Variants in MACROD1 observed in about 807,000 individuals in gnomAD.
The protein encoded by MACROD1 is mono-ADP ribosylhydrolase 1, also known as ADP-ribose glycohydrolase MACROD1.
MACROD1 carries 31 observed loss-of-function variants against 41.4 expected under a neutral mutation model. The observed-to-expected ratio is 0.75, with a 90% CI of 0.56 to 1.01. The LOEUF is 1.01. MACROD1 is among the 50% of genes least tolerant of loss of function. The probability of loss-of-function intolerance (pLI) is 0.00; values close to 1 mark genes in which losing one functional copy is unlikely to be tolerated. For missense variants in MACROD1, 473 were observed against 460.0 expected (o/e 1.03, Z -0.26); for synonymous variants, 252 against 203.4 (o/e 1.24, Z -2.03).
chr11:64,116,875 T>G, intron 3 of MACROD1: 1 of 1,611,808 alleles, frequency 6.2e-7, no homozygotes, highest in Admixed American at 1.7e-5. Flanking sequence ...CTGGAGGAGC[T>G]GCGGCTGGAT....
intron 3 of MACROD1, among the ~76,000 whole-genome samples, chr11:64,105,691 G>A (rs906916628): frequency 6.6e-6 from 1 of 152,206 alleles, no homozygotes; most frequent in Non-Finnish European, 1.5e-5. Context: ...TGGTGGAGAA[G>A]AGCGGCTCCC....
intron 3 of MACROD1, among the ~76,000 whole-genome samples, chr11:64,086,135 TGC>T (rs1944390533): frequency 6.6e-6 from 1 of 152,118 alleles, no homozygotes; most frequent in Non-Finnish European, 1.5e-5. Flanking sequence ...GGTGGGTGGC[TGC>T]GCACACACAG....
At chr11:64,049,615 T>A (rs1434629265) in intron 3 of MACROD1, among the ~76,000 whole-genome samples, 1 of 152,190 alleles carries the variant, frequency 6.6e-6, no homozygotes, top group Non-Finnish European at 1.5e-5. Context: ...CGCACAGACA[T>A]CCTGATGGTT....
intron 3 of MACROD1, among the ~76,000 whole-genome samples, chr11:64,113,056 C>T (rs572845337): frequency 6.6e-6 from 1 of 152,312 alleles, no homozygotes; most frequent in Admixed American, 6.5e-5. Flanking sequence ...CAGAGTGCTG[C>T]AAGCCTCAAG....
chr11:64,138,673 C>T (rs1945366061), intron 3 of MACROD1: 2 of 440,770 alleles, frequency 4.5e-6, no homozygotes, highest in East Asian at 1.6e-4. Context: ...TTACAATGTC[C>T]GAAGACAGGG....
intron 3 of MACROD1, among the ~76,000 whole-genome samples, chr11:64,055,021 C>G (rs77916579): frequency 1.5e-3 from 232 of 152,316 alleles, no homozygotes; most frequent in African/African-American, 5.1e-3. Flanking sequence ...CAGTCTTCTC[C>G]TTTCTTTCCC....
intron 3 of MACROD1, among the ~76,000 whole-genome samples, chr11:64,034,847 C>G (rs370686587): frequency 1.1e-3 from 170 of 152,308 alleles, no homozygotes; most frequent in African/African-American, 3.8e-3. Flanking sequence ...CAGCCACTGA[C>G]AAGGTGATGA....
intron 4 of MACROD1, among the ~76,000 whole-genome samples, chr11:64,006,310 C>T (rs181991628): frequency 5.4e-4 from 83 of 152,334 alleles, no homozygotes; most frequent in Admixed American, 3.7e-3. Flanking sequence ...TTTGCTTCTG[C>T]TCACACCCTC....
intron 3 of MACROD1, among the ~76,000 whole-genome samples, chr11:64,084,152 G>A (rs1944352611): frequency 6.6e-6 from 1 of 152,158 alleles, no homozygotes; most frequent in Non-Finnish European, 1.5e-5. Flanking sequence ...TGAGTGCATG[G>A]CACGCGCGCC....
At chr11:64,069,515 C>A (rs1267255292) in intron 3 of MACROD1, among the ~76,000 whole-genome samples, 1 of 152,214 alleles carries the variant, frequency 6.6e-6, no homozygotes, top group African/African-American at 2.4e-5. Flanking sequence ...GAAGGGCAAG[C>A]ACAGCCACAG....
chr11:64,134,596 T>C (rs1945307539), intron 3 of MACROD1, among the ~76,000 whole-genome samples: 2 of 151,990 alleles, frequency 1.3e-5, no homozygotes, highest in African/African-American at 2.4e-5. Context: ...CATGCGGGTT[T>C]GGTGTGAGAT....
chr11:64,083,794 G>A (rs533994157), intron 3 of MACROD1, among the ~76,000 whole-genome samples: 1 of 152,336 alleles, frequency 6.6e-6, no homozygotes, highest in South Asian at 2.1e-4. Context: ...CCAAGGTCAA[G>A]GGGTGAGTCA....
At chr11:64,089,726 G>A (rs1353691686) in intron 3 of MACROD1, among the ~76,000 whole-genome samples, 1 of 152,194 alleles carries the variant, frequency 6.6e-6, no homozygotes, top group African/African-American at 2.4e-5. Flanking sequence ...AGGGTGAGAG[G>A]CCCTGAGACA....
intron 4 of MACROD1, among the ~76,000 whole-genome samples, chr11:64,002,275 G>C (rs1268189175): frequency 6.6e-6 from 1 of 152,194 alleles, no homozygotes; most frequent in Non-Finnish European, 1.5e-5. Flanking sequence ...GGCGACCTCG[G>C]CCAGCTGTGG....
chr11:64,123,538 T>TG (rs1224492999), intron 3 of MACROD1, among the ~76,000 whole-genome samples: 2 of 27,210 alleles, frequency 7.4e-5, no homozygotes, highest in Non-Finnish European at 1.9e-4. Context: ...ATGGGTGGGG[T>TG]GGGGGGGTTG....
chr11:64,067,714 C>A lies in MACROD1; in HGVS notation c.518-52433G>T, dbSNP rs1944030785. ...CCTGCCTGCAGTGATTGCGGACACGCCCCTCGCGAGGCACCGCAGGCTGCC... is the reference window on the plus strand; with the variant it reads ...CCTGCCTGCAGTGATTGCGGACACGACCCTCGCGAGGCACCGCAGGCTGCC... On this transcript the variant is annotated intron_variant, in intron 3 of 10. Transcript: ENST00000255681. This position sits in a 1 kb window ranked among gnomAD's most constrained non-coding sequence, Gnocchi z 4.6. 1.3e-5 allele frequency among the ~76,000 whole-genome samples: 2 copies of A among 152,206 alleles called. No individual in the cohort carries two copies. Among genetic ancestry groups the A allele is most frequent in the African/African-American group, 4.8e-5 (2 of 41,446 alleles).
At chr11:64,058,290 G>A (rs539956943) in intron 3 of MACROD1, among the ~76,000 whole-genome samples, 1 of 152,374 alleles carries the variant, frequency 6.6e-6, no homozygotes, top group South Asian at 2.1e-4. Flanking sequence ...GACTACTGTC[G>A]GCTCTGCTGT....
chr11:64,123,899 TA>T (rs1233592629), intron 3 of MACROD1, among the ~76,000 whole-genome samples: 1 of 152,140 alleles, frequency 6.6e-6, no homozygotes, highest in African/African-American at 2.4e-5. Flanking sequence ...ATTCAAGCAC[TA>T]GATGGGGACG....
At chr11:64,142,538 C>T (rs1365552819) in intron 3 of MACROD1, among the ~76,000 whole-genome samples, 6 of 152,180 alleles carry the variant, frequency 3.9e-5, no homozygotes, top group Non-Finnish European at 7.4e-5. Context: ...TGAGTGCCGC[C>T]CCCCAGCCAA....
Sources: gnomAD v4.1 joint callset for allele counts (sites outside exome capture counted in the v4.1 genomes callset) on GRCh38, gnomAD v4.1.1 for gene constraint, Gnocchi (gnomAD v3.1) non-coding constraint, MANE v1.5 for transcripts, NCBI Gene and HGNC (gene_info 2026-07-23, HGNC 2026-07-21) for gene names.